ESRRG: variants seen among roughly 807,000 people sequenced by gnomAD.
ESRRG encodes estrogen related receptor gamma.
ESRRG carries 13 observed loss-of-function variants against 44.0 expected under a neutral mutation model. That is an observed-to-expected ratio of 0.30 (90% CI 0.19 to 0.47). ESRRG has a LOEUF of 0.47. Among genes scored for constraint, ESRRG ranks in the 20% least tolerant of loss-of-function variants. ESRRG has a pLI of 1.00. For synonymous variants in ESRRG, 215 were observed against 214.6 expected (o/e 1.00, Z -0.02); for missense variants, 395 against 580.6 (o/e 0.68, Z 3.29).
At chr1:216,821,421 C>T (rs1158532564) in intron 2 of ESRRG, among the ~76,000 whole-genome samples, 1 of 151,930 alleles carries the variant, frequency 6.6e-6, no homozygotes, top group Non-Finnish European at 1.5e-5. Context: ...CACGGTGGCT[C>T]CTGTCTGTAA....
rs549092197 is a variant in ESRRG, at chr1:216,510,833, C to T, written c.1133-3650G>A. ...AGATGGCAGTGAGCTGAGATCGCGC[C>T]ACTGCACTCCAGCCTGGGCGACAGA... On this transcript the variant is annotated intron_variant, in intron 6 of 6. Coordinates refer to ENST00000408911, the MANE Select transcript of ESRRG (RefSeq NM_001438.4). Among the ~76,000 whole-genome samples, 211 of 152,076 alleles carry T rather than the reference C, an allele frequency of 1.4e-3. 1 individual carries two copies. Among genetic ancestry groups the T allele is most frequent in the Non-Finnish European group, 2.8e-3 (190 of 67,990 alleles).
chr1:216,629,470 G>T (rs1201977267), intron 3 of ESRRG, among the ~76,000 whole-genome samples: 1 of 152,124 alleles, frequency 6.6e-6, no homozygotes, highest in African/African-American at 2.4e-5. Flanking sequence ...GAATACCTAT[G>T]AAAAATAAGT....
chr1:217,106,841 G>A (rs76390996), intron 1 of ESRRG, among the ~76,000 whole-genome samples: 14 of 152,244 alleles, frequency 9.2e-5, no homozygotes, highest in African/African-American at 3.4e-4. Flanking sequence ...GAGCATCGCC[G>A]TAAAAATTCT....
chr1:216,597,149 C>T (rs2058556559), intron 3 of ESRRG, among the ~76,000 whole-genome samples: 1 of 152,202 alleles, frequency 6.6e-6, no homozygotes, highest in Non-Finnish European at 1.5e-5. Context: ...TCATTATAGT[C>T]ACCCAATTCC....
intron 2 of ESRRG, among the ~76,000 whole-genome samples, chr1:216,672,099 A>G (rs1214093388): frequency 6.6e-6 from 1 of 152,162 alleles, no homozygotes; most frequent in Non-Finnish European, 1.5e-5. Flanking sequence ...TTATGAATTA[A>G]GGCCAAAATT....
At chr1:217,135,562 C>T (rs2093037994) in intron 1 of ESRRG, among the ~76,000 whole-genome samples, 1 of 151,486 alleles carries the variant, frequency 6.6e-6, no homozygotes, top group Non-Finnish European at 1.5e-5. Context: ...GCGGCGGCGG[C>T]GGCAGGGCGG....
chr1:216,776,733 G>A (rs914793691), intron 2 of ESRRG, among the ~76,000 whole-genome samples: 4 of 152,054 alleles, frequency 2.6e-5, no homozygotes, highest in African/African-American at 9.7e-5. Flanking sequence ...TGGCTTCCAA[G>A]ACAATATCAC....
At chr1:216,956,099 C>A (rs182434630) in intron 1 of ESRRG, among the ~76,000 whole-genome samples, 2 of 152,078 alleles carry the variant, frequency 1.3e-5, no homozygotes, top group Admixed American at 1.3e-4. Flanking sequence ...TACAGTCTTA[C>A]ATACAAAATC....
At position 217,066,705 on chromosome 1, in the gene ESRRG, G is replaced by C. The variant is rs187372903; in HGVS notation, c.-106+22802C>G. Among the ~76,000 whole-genome samples the C allele has an allele frequency of 4.7e-3, 722 of 152,198 alleles. 4 individuals carry two copies. The highest frequency in any genetic ancestry group is 0.016 in the African/African-American group (672 of 41,484). The stretch of plus-strand genomic sequence containing the variant: ...GGGGCTGGACAATTCTTTGCTGTGT[G>C]GGGGGATGCCCTGTGGACTGCATGA... On this transcript the variant is annotated intron_variant, in intron 1 of 7. Coordinates refer to the ESRRG transcript ENST00000359162.
chr1:216,607,716 A>G (rs1457991654), intron 3 of ESRRG, among the ~76,000 whole-genome samples: 3 of 152,170 alleles, frequency 2.0e-5, no homozygotes, highest in Non-Finnish European at 4.4e-5. Flanking sequence ...AGAATTTTGC[A>G]TCTAAGGAGA....
chr1:216,929,575 T>C (rs2149803698), intron 2 of ESRRG, among the ~76,000 whole-genome samples: 1 of 152,200 alleles, frequency 6.6e-6, no homozygotes, highest in Middle Eastern at 3.4e-3. Flanking sequence ...AAGGAGTATG[T>C]AGAAGAACAT....
intron 2 of ESRRG, among the ~76,000 whole-genome samples, chr1:216,830,758 T>C (rs1366009213): frequency 6.6e-6 from 1 of 151,938 alleles, no homozygotes; most frequent in Non-Finnish European, 1.5e-5. Flanking sequence ...ACTTAGGGAA[T>C]AGATTTTTAA....
intron 2 of ESRRG, among the ~76,000 whole-genome samples, chr1:216,804,460 C>T (rs2094722296): frequency 6.6e-6 from 1 of 152,122 alleles, no homozygotes; most frequent in Admixed American, 6.6e-5. Flanking sequence ...GGGCTTCAAT[C>T]TTGGTACTTT....
At chr1:217,053,477 G>T (rs2086503650) in intron 1 of ESRRG, among the ~76,000 whole-genome samples, 1 of 148,864 alleles carries the variant, frequency 6.7e-6, no homozygotes, top group East Asian at 1.9e-4. Context: ...AAGAAAGAAA[G>T]AAAGAAAGAA....
intron 3 of ESRRG, among the ~76,000 whole-genome samples, chr1:216,626,197 T>C (rs1217855364): frequency 6.6e-6 from 1 of 152,210 alleles, no homozygotes; most frequent in Non-Finnish European, 1.5e-5. Flanking sequence ...TTTTTACTAC[T>C]TCTTCCTTAA....
chr1:216,677,922 G>T (rs542486052), intron 1 of ESRRG, among the ~76,000 whole-genome samples: 1 of 152,166 alleles, frequency 6.6e-6, no homozygotes, highest in Non-Finnish European at 1.5e-5. Flanking sequence ...TTCTAAAATT[G>T]TATTTATCCT....
Position 217,065,634 on chromosome 1 carries a change from C to G in ESRRG, c.-106+23873G>C, listed in dbSNP as rs116542706. ...TTCATATTTACAAGACTGAGCCACA[C>G]TGGATACTGTCTGCCATTTACACAC... On this transcript the variant is annotated intron_variant, in intron 1 of 7. Coordinates refer to the ESRRG transcript ENST00000359162. Among the ~76,000 whole-genome samples the G allele has an allele frequency of 7.1e-3, 1,080 of 152,264 alleles. 14 individuals are homozygous for G. The highest frequency in any genetic ancestry group is 0.024 in the African/African-American group (1,013 of 41,550).
intron 1 of ESRRG, among the ~76,000 whole-genome samples, chr1:217,074,637 AG>A (rs1171119304): frequency 6.6e-6 from 1 of 152,140 alleles, no homozygotes; most frequent in Non-Finnish European, 1.5e-5. Context: ...TAGGAACTCG[AG>A]AACAACCTGG....
At chr1:216,578,912 C>T (rs558434667) in intron 3 of ESRRG, among the ~76,000 whole-genome samples, 1 of 152,130 alleles carries the variant, frequency 6.6e-6, no homozygotes, top group African/African-American at 2.4e-5. Context: ...GTTAACAATT[C>T]AACTCTTGAG....
Sources: gnomAD v4.1 joint callset for allele counts (sites outside exome capture counted in the v4.1 genomes callset) on GRCh38, gnomAD v4.1.1 for gene constraint, MANE v1.5 for transcripts, NCBI Gene and HGNC (gene_info 2026-07-23, HGNC 2026-07-21) for gene names.